SLC1A7: variants seen among roughly 807,000 people sequenced by gnomAD.
SLC1A7 encodes solute carrier family 1 member 7.
Under a neutral mutation model 47.7 loss-of-function variants are expected in SLC1A7, and 40 were observed. That is an observed-to-expected ratio of 0.84 (90% CI 0.65 to 1.09). SLC1A7 has a LOEUF of 1.09. Among genes scored for constraint, SLC1A7 ranks in the 50% least tolerant of loss-of-function variants. The probability of loss-of-function intolerance (pLI) is 0.00; values close to 1 mark genes in which losing one functional copy is unlikely to be tolerated. For synonymous variants in SLC1A7, 323 were observed against 325.6 expected (o/e 0.99, Z 0.09); for missense variants, 746 against 769.5 (o/e 0.97, Z 0.36).
chr1:53,136,908 C>A (rs893871165), intron 1 of SLC1A7, among the ~76,000 whole-genome samples: 4 of 151,852 alleles, frequency 2.6e-5, no homozygotes, highest in African/African-American at 7.3e-5. Flanking sequence ...CTCAAACAGT[C>A]CTCCCAGCTA....
At chr1:53,099,284 C>T (rs540558907) in intron 5 of SLC1A7, among the ~76,000 whole-genome samples, 681 of 7,038 alleles carry the variant, frequency 0.097, 14 homozygotes, top group Middle Eastern at 0.25. Flanking sequence ...CGTCTCGGTA[C>T]ACACACATAC....
intron 1 of SLC1A7, among the ~76,000 whole-genome samples, chr1:53,138,149 C>T (rs563509617): frequency 3.3e-5 from 5 of 152,304 alleles, no homozygotes; most frequent in Non-Finnish European, 7.3e-5. Flanking sequence ...CTTCTAGCTT[C>T]CAGTTTGCTT....
intron 5 of SLC1A7, 99 bp downstream of exon 5, chr1:53,103,247 C>A (rs1644603135): frequency 2.3e-6 from 2 of 860,756 alleles, no homozygotes; most frequent in Non-Finnish European, 1.8e-6. Context: ...ACCTCTCCAG[C>A]ATTCTCCCCA....
intron 2 of SLC1A7, among the ~76,000 whole-genome samples, chr1:53,117,526 G>A (rs1357237858): frequency 1.3e-5 from 2 of 152,226 alleles, no homozygotes; most frequent in Non-Finnish European, 2.9e-5. Context: ...GCCATCCGGA[G>A]TGATCGTGTC....
At chr1:53,089,013 ACTTGAAGGGGAG>A in intron 9 of SLC1A7, 34 bp from the exon 10 acceptor site, 1 of 1,544,576 alleles carries the variant, frequency 6.5e-7, no homozygotes, top group Non-Finnish European at 9.0e-7. Flanking sequence ...AGTGGTGGGC[ACTTGAAGGGGAG>A]CTGGAAGAGG....
At position 53,103,367 on chromosome 1, in the gene SLC1A7, C is replaced by T. The variant is rs771978476; in HGVS notation, c.676G>A (p.Val226Ile). Residue 226 changes from valine to isoleucine, a missense_variant, in exon 5 of 11, where the codon GTC becomes ATC. Val to Ile is a conservative substitution (Grantham distance 29). Transcript: ENST00000371494. ...ATACCCATGGTGGCAGAGAAGAAGA[C>T]GATGCCCAGCACATTCATGCCATCG... ...TSDGMNVLGIVFFSATMGIML... is the reference protein window; with the variant it reads ...TSDGMNVLGIIFFSATMGIML... The T allele has an allele frequency of 2.0e-5, 32 of 1,605,518 alleles. No individual in the cohort carries two copies. Among genetic ancestry groups the T allele is most frequent in the South Asian group, 1.1e-4 (10 of 89,280 alleles).
At chr1:53,107,658 C>G (rs1258383265) in intron 3 of SLC1A7, among the ~76,000 whole-genome samples, 7 of 152,226 alleles carry the variant, frequency 4.6e-5, no homozygotes, top group African/African-American at 1.7e-4. Context: ...GCACTACCAT[C>G]CTAAATCTAC....
intron 2 of SLC1A7, among the ~76,000 whole-genome samples, chr1:53,126,030 G>T (rs1398101982): frequency 6.6e-6 from 1 of 152,216 alleles, no homozygotes; most frequent in East Asian, 1.9e-4. Flanking sequence ...CTCTTAAGTT[G>T]CCCATAGAGT....
chr1:53,090,672 G>A lies in SLC1A7; in HGVS notation c.1166C>T (p.Ala389Val), dbSNP rs1644410511. Residue 389 changes from alanine to valine, a missense_variant, in exon 8 of 11, where the codon GCC becomes GTC. Physicochemically the swap from Ala to Val is moderately conservative, Grantham distance 64. Coordinates refer to ENST00000371494, the MANE Select transcript of SLC1A7 (RefSeq NM_006671.6). ...GTTGTTGACCTGGGCGATGAAGATG[G>A]CGGCCACAGCCTCGTAGAGCGCAGT... ...DGTALYEAVAAIFIAQVNNYE... is the reference protein window; with the variant it reads ...DGTALYEAVAVIFIAQVNNYE... 1.9e-6 allele frequency: 3 copies of A among 1,612,598 alleles called. No individual in the cohort carries two copies. In the East Asian group the frequency reaches 6.7e-5, roughly 36 times the overall value.
intron 3 of SLC1A7, chr1:53,108,147 G>A (rs1267164698): frequency 2.8e-5 from 5 of 180,516 alleles, no homozygotes; most frequent in Non-Finnish European, 5.9e-5. Flanking sequence ...ACTCTGAGGT[G>A]AGCATCTGGT....
At chr1:53,116,374 G>A (rs1426683811) in intron 2 of SLC1A7, 2 of 152,336 alleles carry the variant, frequency 1.3e-5, no homozygotes, top group Admixed American at 6.5e-5. Context: ...ACTCTTTACT[G>A]GAAGCACCTC....
intron 9 of SLC1A7, 93 bp downstream of exon 9, chr1:53,089,707 C>A: frequency 1.4e-6 from 2 of 1,387,072 alleles, no homozygotes; most frequent in South Asian, 2.5e-5. Flanking sequence ...GCCTTCTACC[C>A]TGGGGAAGGG....
rs1644398307 is a variant in SLC1A7 at position 53,089,715 on chromosome 1, G to A, written c.1361+85C>T. 2.8e-6 allele frequency: 4 copies of A among 1,441,312 alleles called. No individual in the cohort carries two copies. In the Admixed American group the frequency reaches 5.3e-5, roughly 19 times the overall value. The allele number at this position is 1,441,312 out of a possible 1,614,324, so 89.3% of individuals were successfully genotyped here. ...GTCCCCAGCCTTCTACCCTGGGGAA[G>A]GGACTCAGCCGCTCACCCTGATCCC... On this transcript the variant is annotated intron_variant, in intron 9 of 10. Transcript: ENST00000371494.
chr1:53,088,351 G>T, intron 10 of SLC1A7, 124 bp from the exon 11 acceptor site: 1 of 795,240 alleles, frequency 1.3e-6, no homozygotes, highest in Non-Finnish European at 1.9e-6. Flanking sequence ...TTTTCCTGCA[G>T]ACACGCTGTG....
At chr1:53,092,438 G>A (rs1489880223) in intron 7 of SLC1A7, 116 bp downstream of exon 7, 16 of 753,596 alleles carry the variant, frequency 2.1e-5, no homozygotes, top group Non-Finnish European at 3.4e-5. Context: ...GCATTTGTGA[G>A]GTGGGCCACA....
At chr1:53,101,435 T>A (rs1644579073) in intron 5 of SLC1A7, among the ~76,000 whole-genome samples, 1 of 132,496 alleles carries the variant, frequency 7.5e-6, no homozygotes, top group African/African-American at 2.9e-5. Flanking sequence ...CTCAGGACAC[T>A]CACACATCTC....
chr1:53,110,843 G>A (rs1024378284), intron 3 of SLC1A7, among the ~76,000 whole-genome samples: 2 of 152,032 alleles, frequency 1.3e-5, no homozygotes, highest in African/African-American at 4.8e-5. Flanking sequence ...GCCAAGGCCC[G>A]TCCTAGGCCT....
chr1:53,095,370 A>G (rs1644473533), intron 5 of SLC1A7, among the ~76,000 whole-genome samples: 1 of 152,092 alleles, frequency 6.6e-6, no homozygotes, highest in South Asian at 2.1e-4. Flanking sequence ...ATGTGGGCAC[A>G]TAAAGGCATG....
intron 3 of SLC1A7, among the ~76,000 whole-genome samples, chr1:53,106,975 C>A (rs187718229): frequency 1.3e-5 from 2 of 151,528 alleles, no homozygotes; most frequent in Admixed American, 1.3e-4. Flanking sequence ...GCCAACATGG[C>A]GAAACCCCGT....
Sources: gnomAD v4.1 joint callset for allele counts (sites outside exome capture counted in the v4.1 genomes callset) on GRCh38, gnomAD v4.1.1 for gene constraint, MANE v1.5 for transcripts, NCBI Gene and HGNC (gene_info 2026-07-23, HGNC 2026-07-21) for gene names.